Variants in IKZF1 observed in about 807,000 individuals in gnomAD.
The protein encoded by IKZF1 is DNA-binding protein Ikaros.
IKZF1 carries 10 observed loss-of-function variants against 51.7 expected under a neutral mutation model. The ratio of observed to expected loss-of-function variants is 0.19; its 90% confidence interval spans 0.12 to 0.33. The LOEUF (loss-of-function observed/expected upper bound fraction) is 0.33. IKZF1 is among the 10% of genes least tolerant of loss of function. The pLI is 1.00. For synonymous variants in IKZF1, 280 were observed against 282.3 expected (o/e 0.99, Z 0.08); for missense variants, 484 against 707.5 (o/e 0.68, Z 3.58).
chr7:50,399,994 C>T lies in IKZF1; in HGVS notation c.927C>T (p.His309=), dbSNP rs759218146. ...AGGAGAACGAAATGATGAAGTCCCA[C>T]GTGATGGACCAAGCCATCAACAACG... ...YEKENEMMKS[H]VMDQAINNAI... is the part of the protein sequence containing the mutation. The change falls in exon 8 of 8, where the codon CAC becomes CAT. Residue 309 remains histidine (H), a synonymous_variant. Coordinates refer to ENST00000331340, the MANE Select transcript of IKZF1 (RefSeq NM_006060.6). The T allele has an allele frequency of 1.2e-5, 19 of 1,613,342 alleles. No homozygotes were observed. The highest frequency in any genetic ancestry group is 2.7e-5 in the African/African-American group (2 of 74,924).
At chr7:50,352,965 T>A (rs1239310382) in intron 3 of IKZF1, among the ~76,000 whole-genome samples, 1 of 152,256 alleles carries the variant, frequency 6.6e-6, no homozygotes. Flanking sequence ...AGAATTTTTT[T>A]ATACTTTGTT....
chr7:50,349,019 G>T (rs1222129238), intron 3 of IKZF1, among the ~76,000 whole-genome samples: 1 of 152,148 alleles, frequency 6.6e-6, no homozygotes, highest in Non-Finnish European at 1.5e-5. Flanking sequence ...GCTTGGTCAT[G>T]GGGTCAGCCA....
chr7:50,324,415 A>G (rs890917800), intron 2 of IKZF1, among the ~76,000 whole-genome samples: 3 of 152,180 alleles, frequency 2.0e-5, no homozygotes, highest in Non-Finnish European at 4.4e-5. Flanking sequence ...TCACTTCACT[A>G]CCATCCAGTT....
chr7:50,357,824 G>A (rs1430806050), intron 3 of IKZF1, among the ~76,000 whole-genome samples: 1 of 152,202 alleles, frequency 6.6e-6, no homozygotes, highest in Admixed American at 6.5e-5. Flanking sequence ...AACGAGTTAA[G>A]AAATGGGCTT....
rs559133241 is a variant in IKZF1 at position 50,330,153 on chromosome 7, C to T, written c.160+2396C>T. On this transcript the variant is annotated intron_variant, in intron 3 of 7. Coordinates refer to ENST00000331340, the MANE Select transcript of IKZF1 (RefSeq NM_006060.6). ...ACCTTGGAGTCAGGGGCGGGTTTGT[C>T]ATAGCCCATGGGTCCTGGCCCTGCC... Among the ~76,000 whole-genome samples, 7 of 152,332 alleles carry T rather than the reference C, an allele frequency of 4.6e-5. No homozygotes were observed. The East Asian group carries it at 1.2e-3, about 25-fold the overall frequency.
intron 3 of IKZF1, among the ~76,000 whole-genome samples, chr7:50,350,150 G>T (rs1801474916): frequency 2.0e-5 from 3 of 152,264 alleles, no homozygotes; most frequent in African/African-American, 4.8e-5. Context: ...CCGCTGGGAG[G>T]CCTGGAGCCG....
chr7:50,395,146 C>T (rs1816344851), intron 7 of IKZF1, among the ~76,000 whole-genome samples: 1 of 152,180 alleles, frequency 6.6e-6, no homozygotes, highest in Non-Finnish European at 1.5e-5. Context: ...CAAAACCCAA[C>T]ATCCAGAAAT....
intron 2 of IKZF1, among the ~76,000 whole-genome samples, chr7:50,322,791 G>A (rs971059767): frequency 1.3e-5 from 2 of 152,124 alleles, no homozygotes; most frequent in Admixed American, 6.5e-5. Context: ...TACCTCCCAC[G>A]ATGGGACCTG....
intron 3 of IKZF1, among the ~76,000 whole-genome samples, chr7:50,331,756 A>G (rs1350800219): frequency 6.6e-6 from 1 of 152,222 alleles, no homozygotes; most frequent in African/African-American, 2.4e-5. Context: ...GTTTGTGTGT[A>G]AGTTTGGGGA....
intron 4 of IKZF1, among the ~76,000 whole-genome samples, chr7:50,380,408 G>A (rs1412634327): frequency 6.6e-6 from 1 of 152,208 alleles, no homozygotes; most frequent in Non-Finnish European, 1.5e-5. Context: ...TTCTGTCTGC[G>A]ATGGGCAGAG....
intron 3 of IKZF1, among the ~76,000 whole-genome samples, chr7:50,362,444 C>T (rs1403340366): frequency 3.9e-5 from 6 of 152,184 alleles, no homozygotes; most frequent in African/African-American, 1.2e-4. Flanking sequence ...ACTTGCAAAG[C>T]ACTAGCCCTA....
chr7:50,386,917 G>T (rs1227007787), intron 5 of IKZF1, among the ~76,000 whole-genome samples: 1 of 152,196 alleles, frequency 6.6e-6, no homozygotes, highest in Admixed American at 6.5e-5. Flanking sequence ...CCAGCGTCAT[G>T]ACAGATCCAG....
chr7:50,363,173 G>A (rs7385935), intron 3 of IKZF1, among the ~76,000 whole-genome samples: 53,127 of 151,984 alleles, frequency 0.35, 9,589 homozygotes, highest in Middle Eastern at 0.42. Flanking sequence ...GTTTGGGTGT[G>A]CATGTTCCAG....
chr7:50,358,061 A>G (rs896911875), intron 3 of IKZF1, among the ~76,000 whole-genome samples: 22 of 152,102 alleles, frequency 1.4e-4, no homozygotes, highest in Admixed American at 1.1e-3. Flanking sequence ...ACAGCTGTGG[A>G]ACCAGGTAAA....
intron 4 of IKZF1, among the ~76,000 whole-genome samples, chr7:50,382,207 G>A (rs914024795): frequency 1.3e-5 from 2 of 152,142 alleles, no homozygotes; most frequent in Non-Finnish European, 2.9e-5. Flanking sequence ...GCCACAACAC[G>A]CAAAATTGGA....
At chr7:50,382,951 C>T (rs1307595363) in intron 5 of IKZF1, among the ~76,000 whole-genome samples, 2 of 152,176 alleles carry the variant, frequency 1.3e-5, no homozygotes, top group Admixed American at 6.5e-5. Context: ...ACACAGAAGT[C>T]TCACCTTAGG....
chr7:50,403,516 C>G lies in IKZF1; in HGVS notation c.*2889C>G, dbSNP rs1404890037. On this transcript the variant is annotated 3_prime_UTR_variant, in exon 8 of 8. Transcript: ENST00000331340. ...TCGCTGTGTCTTGTTCCGCCCCCTC[C>G]CTGACACCCCAGCTTCCCAGGATGT... The G allele has an allele frequency of 4.4e-6, 1 of 229,348 alleles. No homozygotes were observed. Among genetic ancestry groups the G allele is most frequent in the African/African-American group, 2.2e-5 (1 of 45,100 alleles). 14.2% of individuals were successfully genotyped at this position (229,348 alleles called of 1,614,324 possible).
chr7:50,361,457 A>G (rs531348009), intron 3 of IKZF1, among the ~76,000 whole-genome samples: 1 of 152,336 alleles, frequency 6.6e-6, no homozygotes, highest in South Asian at 2.1e-4. Context: ...GTTTTCCCCT[A>G]AATTGTTATA....
chr7:50,314,298 G>A (rs1042577296), intron 1 of IKZF1, among the ~76,000 whole-genome samples: 2 of 152,136 alleles, frequency 1.3e-5, no homozygotes, highest in Non-Finnish European at 2.9e-5. Flanking sequence ...TTTTAGTGGA[G>A]ACGGGGTTTC....
Sources: allele counts gnomAD v4.1 joint callset (sites outside exome capture counted in the v4.1 genomes callset), GRCh38; gene constraint gnomAD v4.1.1; transcripts MANE v1.5; gene names NCBI Gene and HGNC (gene_info 2026-07-23, HGNC 2026-07-21).